Variants in SPAST observed in about 807,000 individuals in gnomAD.
SPAST encodes the protein spastic paraplegia 4 (autosomal dominant; spastin).
A neutral mutation model predicts 76.6 loss-of-function variants in SPAST; 30 were observed. The observed-to-expected ratio is 0.39, with a 90% CI of 0.29 to 0.53. SPAST has a LOEUF of 0.53. Among genes scored for constraint, SPAST ranks in the 20% least tolerant of loss-of-function variants. The probability of loss-of-function intolerance (pLI) is 0.68; values close to 1 mark genes in which losing one functional copy is unlikely to be tolerated. For missense variants in SPAST, 717 were observed against 770.5 expected, an observed-to-expected ratio of 0.93 and a Z score of 0.82; for synonymous variants, 305 against 281.0, an observed-to-expected ratio of 1.09 and a Z score of -0.86.
rs1317747875 is a variant in SPAST at position 32,115,810 on chromosome 2, C to G, written c.979C>G (p.Leu327Val). ...FRNVDSNLANLIMNEIVDNGT... is the reference protein window; with the variant it reads ...FRNVDSNLANVIMNEIVDNGT... ...GAATGTGGACAGCAACCTTGCTAAC[C>G]TTATAATGAATGAAATTGTGGACAA... The change falls in exon 6 of 17, where the codon CTT (leucine) becomes GTT (valine). Residue 327 changes from leucine (L) to valine (V), a missense_variant. This residue lies in a region of SPAST where 543 missense variants were observed against 445.2 expected (regional missense o/e 1.22). Transcript: ENST00000315285. 2 of 1,609,930 alleles carry G rather than the reference C, an allele frequency of 1.2e-6. No homozygotes were observed. Among genetic ancestry groups the G allele is most frequent in the African/African-American group, 2.7e-5 (2 of 74,816 alleles).
At position 32,087,500 on chromosome 2, in the gene SPAST, A is replaced by G. The variant is rs756977900; in HGVS notation, c.424A>G (p.Lys142Glu). 1.2e-6 allele frequency: 2 copies of G among 1,601,602 alleles called. No homozygotes were observed. The highest frequency in any genetic ancestry group is 1.1e-5 in the South Asian group (1 of 90,810). Residue 142 changes from lysine (K) to glutamate (E), a missense_variant, in exon 2 of 17, where the codon AAG becomes GAG. Lys to Glu is a moderately conservative substitution (Grantham distance 56). This residue lies in a region of SPAST where 543 missense variants were observed against 445.2 expected (regional missense o/e 1.22). Coordinates refer to ENST00000315285, the MANE Select transcript of SPAST (RefSeq NM_014946.4). ...RIDEDEKAGQ[K>E]EQAVEWYKKG... ...AATTTTTTATTTTAAAGCAGGACAGAAGGAGCAAGCTGTGGAATGGTATAA... is the reference window on the plus strand; with the variant it reads ...AATTTTTTATTTTAAAGCAGGACAGGAGGAGCAAGCTGTGGAATGGTATAA...
chr2:32,137,217 AT>A, intron 12 of SPAST, 29 bp downstream of exon 12: 2 of 1,456,644 alleles, frequency 1.4e-6, no homozygotes, highest in East Asian at 2.3e-5. Context: ...AAATACATGC[AT>A]TTATTACAGA....
intron 4 of SPAST, among the ~76,000 whole-genome samples, chr2:32,112,770 T>G (rs1678665745): frequency 6.6e-6 from 1 of 152,186 alleles, no homozygotes; most frequent in African/African-American, 2.4e-5. Context: ...TATACTAGTT[T>G]AGAGTCTTTA....
chr2:32,121,422 T>C (rs936840358), intron 7 of SPAST, among the ~76,000 whole-genome samples: 1 of 152,072 alleles, frequency 6.6e-6, no homozygotes, highest in African/African-American at 2.4e-5. Context: ...ATTAGAGGCA[T>C]GAGCCACTGC....
intron 1 of SPAST, chr2:32,066,239 G>C (rs1676505395): frequency 6.6e-6 from 1 of 152,082 alleles, no homozygotes; most frequent in Non-Finnish European, 1.5e-5. Context: ...CCTTCCAAGT[G>C]CTTGGATTAC....
At chr2:32,093,765 C>T (rs985065768) in intron 3 of SPAST, among the ~76,000 whole-genome samples, 23 of 152,040 alleles carry the variant, frequency 1.5e-4, no homozygotes, top group African/African-American at 5.6e-4. Flanking sequence ...TGGCACTATA[C>T]CTGATACAGT....
intron 1 of SPAST, among the ~76,000 whole-genome samples, chr2:32,078,508 A>G (rs995467985): frequency 6.6e-6 from 1 of 152,118 alleles, no homozygotes; most frequent in Non-Finnish European, 1.5e-5. Context: ...ATATTAGCCC[A>G]GTGTAGTGGT....
intron 9 of SPAST, among the ~76,000 whole-genome samples, chr2:32,133,021 G>A (rs890906385): frequency 1.3e-5 from 2 of 149,466 alleles, no homozygotes; most frequent in Non-Finnish European, 3.0e-5. Flanking sequence ...ACTCCAGCCT[G>A]GGCAACAAAA....
chr2:32,083,202 C>T (rs1363136873), intron 1 of SPAST, among the ~76,000 whole-genome samples: 1 of 152,066 alleles, frequency 6.6e-6, no homozygotes, highest in Non-Finnish European at 1.5e-5. Flanking sequence ...GAACTCTTCC[C>T]TCCTTGGTCT....
At chr2:32,099,763 CTCTT>C (rs1437725520) in intron 4 of SPAST, among the ~76,000 whole-genome samples, 4 of 152,214 alleles carry the variant, frequency 2.6e-5, no homozygotes, top group South Asian at 4.1e-4. Flanking sequence ...ATGGAGCTTA[CTCTT>C]TCTATCTAGC....
intron 9 of SPAST, among the ~76,000 whole-genome samples, chr2:32,135,333 G>A (rs1679502590): frequency 6.6e-6 from 1 of 151,428 alleles, no homozygotes; most frequent in South Asian, 2.1e-4. Context: ...GTTTCACCGT[G>A]TTAGCCAGGA....
At chr2:32,117,847 A>G (rs1678895603) in intron 7 of SPAST, among the ~76,000 whole-genome samples, 1 of 152,186 alleles carries the variant, frequency 6.6e-6, no homozygotes, top group African/African-American at 2.4e-5. Context: ...AACAATTTTT[A>G]AAAGAATGAC....
At chr2:32,146,851 CAAAAAAAA>C (rs397984237) in intron 15 of SPAST, among the ~76,000 whole-genome samples, 4 of 19,224 alleles carry the variant, frequency 2.1e-4, no homozygotes, top group South Asian at 2.3e-3. Flanking sequence ...GACTCTGTCT[CAAAAAAAA>C]AAAAAAAAAA....
chr2:32,107,664 A>G lies in SPAST; in HGVS notation c.683-6974A>G, dbSNP rs181183751. ...CTGAACCAGTAAGTATAATGTAAAC[A>G]TTGCAAAATGCAAAAAAATGTAAAA... On this transcript the variant is annotated intron_variant, in intron 4 of 16. Transcript: ENST00000315285. Among the ~76,000 whole-genome samples the G allele has an allele frequency of 1.6e-3, 245 of 152,284 alleles. 1 individual carries two copies. The highest frequency in any genetic ancestry group is 7.3e-3 in the East Asian group (38 of 5,182).
intron 16 of SPAST, among the ~76,000 whole-genome samples, chr2:32,152,062 C>A (rs1261079006): frequency 6.6e-6 from 1 of 151,946 alleles, no homozygotes; most frequent in South Asian, 2.1e-4. Flanking sequence ...TTTTTAAGTA[C>A]CTTGTGTATC....
Position 32,064,252 on chromosome 2 carries a change from TA to T in SPAST, c.415+7del. On this transcript the variant is annotated splice_region_variant and intron_variant, in intron 1 of 16. Transcript: ENST00000315285. ...CATCGATGAGGATGAGAAAGGTAAC[TA>T]GGGGGCTGGGGGAGGGGGCGGCGGC... The T allele has an allele frequency of 1.6e-6, 2 of 1,251,172 alleles. No individual in the cohort carries two copies. The highest frequency in any genetic ancestry group is 2.1e-6 in the Non-Finnish European group (2 of 968,906). 77.5% of individuals were successfully genotyped at this position (1,251,172 alleles called of 1,614,324 possible). A position where few individuals can be genotyped will look rare whatever the true frequency, so the allele number is the denominator to read the frequency against.
At chr2:32,085,417 A>G (rs889451756) in intron 1 of SPAST, among the ~76,000 whole-genome samples, 30 of 152,114 alleles carry the variant, frequency 2.0e-4, no homozygotes, top group African/African-American at 7.2e-4. Flanking sequence ...AAATCTCACC[A>G]TGTTGCCCAA....
chr2:32,100,133 G>A (rs977039376), intron 4 of SPAST, among the ~76,000 whole-genome samples: 10 of 152,042 alleles, frequency 6.6e-5, no homozygotes, highest in South Asian at 2.1e-4. Flanking sequence ...CAAAAGTAGC[G>A]TATAAGAGTT....
intron 16 of SPAST, among the ~76,000 whole-genome samples, chr2:32,151,003 G>A (rs1680065735): frequency 1.3e-5 from 2 of 151,052 alleles, no homozygotes; most frequent in Admixed American, 6.6e-5. Flanking sequence ...GGAGTGCAAT[G>A]GTGCAATCTC....
Sources: gnomAD v4.1 joint callset for allele counts (sites outside exome capture counted in the v4.1 genomes callset) on GRCh38, gnomAD v4.1.1 for gene constraint, gnomAD v4.1.1 regional missense constraint, MANE v1.5 for transcripts, NCBI Gene and HGNC (gene_info 2026-07-23, HGNC 2026-07-21) for gene names.